DLG2: variants seen among roughly 807,000 people sequenced by gnomAD.
DLG2 encodes the protein disks large homolog 2.
Under a neutral mutation model 132.5 loss-of-function variants are expected in DLG2, and 45 were observed. The ratio of observed to expected loss-of-function variants is 0.34; its 90% CI spans 0.27 to 0.44. DLG2 has a LOEUF of 0.44. Among genes scored for constraint, DLG2 ranks in the 20% least tolerant of loss-of-function variants. The pLI is 1.00. For missense variants in DLG2, 1,045 were observed against 1,196.9 expected (o/e 0.87, Z 1.87); for synonymous variants, 424 against 419.6 (o/e 1.01, Z -0.13).
At chr11:85,551,525 A>T (rs551642198) in intron 3 of DLG2, among the ~76,000 whole-genome samples, 2 of 152,114 alleles carry the variant, frequency 1.3e-5, no homozygotes, top group Non-Finnish European at 2.9e-5. Flanking sequence ...ACTATTATGC[A>T]TATAACTCCT....
At position 85,460,221 on chromosome 11, in the gene DLG2, G is replaced by A. The variant is rs529542920; in HGVS notation, c.40+138436C>T. ...TTTCCTGGGGGAATGAAGGGAGCCC[G>A]ACCTCTCCTACTGCTGGAGCTCCAG... is the stretch of plus-strand genomic sequence containing the variant. On this transcript the variant is annotated intron_variant, in intron 3 of 27. Transcript: ENST00000376104. Among the ~76,000 whole-genome samples, 7 of 152,252 alleles carry A rather than the reference G, an allele frequency of 4.6e-5. No homozygotes were observed. The East Asian group carries it at 9.7e-4, about 21-fold the overall frequency.
At chr11:85,584,789 TC>T (rs2153229953) in intron 3 of DLG2, among the ~76,000 whole-genome samples, 1 of 152,352 alleles carries the variant, frequency 6.6e-6, no homozygotes, top group South Asian at 2.1e-4. Flanking sequence ...GTTGGTCTTT[TC>T]CATATCTTCT....
chr11:84,694,583 G>A lies in DLG2; in HGVS notation c.358-159852C>T, dbSNP rs118051044. Among the ~76,000 whole-genome samples, 908 of 151,248 alleles carry A rather than the reference G, an allele frequency of 6.0e-3. 4 individuals carry two copies. The highest frequency in any genetic ancestry group is 0.01 in the Non-Finnish European group (683 of 67,564). ...TTATTCCTTCTCTCTGTCGACCTACGACATGAATCCTACAAACTTTTTTAC... is the reference window on the plus strand; with the variant it reads ...TTATTCCTTCTCTCTGTCGACCTACAACATGAATCCTACAAACTTTTTTAC... On this transcript the variant is annotated intron_variant, in intron 6 of 27. Coordinates refer to ENST00000376104, the MANE Select transcript of DLG2 (RefSeq NM_001142699.3).
chr11:85,548,280 C>G (rs1273845617), intron 3 of DLG2, among the ~76,000 whole-genome samples: 1 of 152,284 alleles, frequency 6.6e-6, no homozygotes, highest in Middle Eastern at 3.4e-3. Context: ...CCTGAAGGTC[C>G]ACTCCAGACC....
intron 21 of DLG2, among the ~76,000 whole-genome samples, chr11:83,493,879 A>G (rs1281627886): frequency 6.6e-6 from 1 of 152,170 alleles, no homozygotes; most frequent in Non-Finnish European, 1.5e-5. Flanking sequence ...GACTTTAACA[A>G]TAATAGAACT....
At chr11:84,646,203 C>A (rs979511752) in intron 6 of DLG2, among the ~76,000 whole-genome samples, 1 of 152,126 alleles carries the variant, frequency 6.6e-6, no homozygotes, top group African/African-American at 2.4e-5. Flanking sequence ...AATCTATGCA[C>A]ACAGTAGATG....
chr11:84,142,099 C>G (rs1260843224), intron 9 of DLG2, among the ~76,000 whole-genome samples: 4 of 151,822 alleles, frequency 2.6e-5, no homozygotes, highest in African/African-American at 7.3e-5. Context: ...GTCAAGAGAT[C>G]GAGACCATCC....
At chr11:85,373,153 C>T (rs969281344) in intron 3 of DLG2, among the ~76,000 whole-genome samples, 9 of 152,100 alleles carry the variant, frequency 5.9e-5, no homozygotes, top group Admixed American at 2.6e-4. Context: ...AACATGCTGG[C>T]CAAAGGGTAA....
chr11:85,391,660 C>T (rs2086808585), intron 3 of DLG2, among the ~76,000 whole-genome samples: 1 of 152,032 alleles, frequency 6.6e-6, no homozygotes, highest in Admixed American at 6.6e-5. Context: ...TGTGATACAC[C>T]ACACAAACAG....
intron 3 of DLG2, among the ~76,000 whole-genome samples, chr11:85,467,947 T>C (rs2092850407): frequency 6.6e-6 from 1 of 152,160 alleles, no homozygotes; most frequent in South Asian, 2.1e-4. Context: ...TCCTGGACTT[T>C]TTTTGGTTGG....
At chr11:84,548,532 T>A (rs1403213301) in intron 6 of DLG2, among the ~76,000 whole-genome samples, 1 of 148,832 alleles carries the variant, frequency 6.7e-6, no homozygotes, top group African/African-American at 2.5e-5. Flanking sequence ...ACATGCGGTG[T>A]TTGGTTTTTT....
intron 3 of DLG2, among the ~76,000 whole-genome samples, chr11:85,501,364 G>T (rs975952538): frequency 6.6e-6 from 1 of 152,154 alleles, no homozygotes; most frequent in African/African-American, 2.4e-5. Context: ...CATGGGCAAA[G>T]GCTTCATGTC....
At chr11:85,274,261 A>G (rs1595877335) in intron 4 of DLG2, among the ~76,000 whole-genome samples, 1 of 152,226 alleles carries the variant, frequency 6.6e-6, no homozygotes, top group African/African-American at 2.4e-5. Flanking sequence ...AATTAAAAAA[A>G]GTAAGATTAG....
chr11:83,489,404 A>G (rs1253676504), intron 21 of DLG2, among the ~76,000 whole-genome samples: 1 of 152,032 alleles, frequency 6.6e-6, no homozygotes, highest in Non-Finnish European at 1.5e-5. Context: ...CACATAGATC[A>G]GAAGAAACTT....
chr11:84,620,051 T>A (rs1490967044), intron 6 of DLG2, among the ~76,000 whole-genome samples: 1 of 151,512 alleles, frequency 6.6e-6, no homozygotes, highest in Non-Finnish European at 1.5e-5. Context: ...TAATAATAAT[T>A]TAAATTTTTA....
intron 4 of DLG2, among the ~76,000 whole-genome samples, chr11:85,239,655 T>C (rs1238352889): frequency 6.6e-6 from 1 of 152,160 alleles, no homozygotes; most frequent in East Asian, 1.9e-4. Flanking sequence ...AAGTCTATCC[T>C]ATTTATATAA....
chr11:84,693,688 C>G (rs1008683289), intron 6 of DLG2, among the ~76,000 whole-genome samples: 6 of 151,702 alleles, frequency 4.0e-5, no homozygotes, highest in Non-Finnish European at 7.4e-5. Flanking sequence ...CACTCTGACT[C>G]CCATCCACTT....
At chr11:84,981,561 A>AT (rs1266297154) in intron 6 of DLG2, among the ~76,000 whole-genome samples, 3 of 152,056 alleles carry the variant, frequency 2.0e-5, no homozygotes, top group Admixed American at 6.6e-5. Context: ...GGGATGACTC[A>AT]TTTTTTTCTG....
chr11:85,038,007 CA>C (rs2061558001), intron 6 of DLG2, among the ~76,000 whole-genome samples: 1 of 152,038 alleles, frequency 6.6e-6, no homozygotes, highest in African/African-American at 2.4e-5. Flanking sequence ...TAAACCCCTC[CA>C]AATAGGAATC....
Sources: allele counts gnomAD v4.1 joint callset (sites outside exome capture counted in the v4.1 genomes callset), GRCh38; gene constraint gnomAD v4.1.1; transcripts MANE v1.5; gene names NCBI Gene and HGNC (gene_info 2026-07-23, HGNC 2026-07-21).